ZFHX3: variants seen among roughly 807,000 people sequenced by gnomAD.
The protein encoded by ZFHX3 is zinc finger homeobox 3, also known as zinc finger homeobox protein 3.
A neutral mutation model predicts 279.1 loss-of-function variants in ZFHX3; 42 were observed. The observed-to-expected ratio is 0.15, with a 90% CI of 0.12 to 0.19. The LOEUF is 0.19. Among genes scored for constraint, ZFHX3 ranks in the 10% least tolerant of loss-of-function variants. The pLI, the probability that ZFHX3 is intolerant of heterozygous loss-of-function variation, is 1.00. For missense variants in ZFHX3, 4,981 were observed against 4,754.0 expected, an observed-to-expected ratio of 1.05 and a Z score of -1.40; for synonymous variants, 2,293 against 1,957.8, an observed-to-expected ratio of 1.17 and a Z score of -4.52.
intron 1 of ZFHX3, among the ~76,000 whole-genome samples, chr16:73,017,812 GCTAAGA>G (rs1246360135): frequency 6.6e-6 from 1 of 152,082 alleles, no homozygotes; most frequent in African/African-American, 2.4e-5. Flanking sequence ...AACCAAACAG[GCTAAGA>G]CCTCTGCCAC....
intron 7 of ZFHX3, among the ~76,000 whole-genome samples, chr16:73,128,865 G>A (rs1966619938): frequency 6.6e-6 from 1 of 152,112 alleles, no homozygotes; most frequent in African/African-American, 2.4e-5. Context: ...CCTTTTGGAA[G>A]AGTTTCTCAT....
At chr16:73,609,196 C>A (rs1170179209) in intron 2 of ZFHX3, 1 of 152,106 alleles carries the variant, frequency 6.6e-6, no homozygotes, top group Non-Finnish European at 1.5e-5. Flanking sequence ...AGTGAGAAGG[C>A]GATGCAAATA....
At chr16:73,816,063 G>A (rs1167086029) in intron 1 of ZFHX3, 3 of 152,168 alleles carry the variant, frequency 2.0e-5, no homozygotes, top group Non-Finnish European at 2.9e-5. Flanking sequence ...TATTGGACAG[G>A]AGAGACCTGG....
At position 72,795,050 on chromosome 16, in the gene ZFHX3, G is replaced by C; in HGVS notation, c.7632C>G (p.His2544Gln). The change falls in exon 9 of 10, where the codon CAC becomes CAG. Residue 2544 changes from histidine (H) to glutamine (Q), a missense_variant. Transcript: ENST00000268489. The stretch of plus-strand genomic sequence containing the variant: ...AGTGGAGCTGCTGATGCTCCTGCCA[G>C]TGCTCAAATGACGGAAATGCCAACT... ...QCKLAFPSFEHWQEHQQLHFL... is the reference protein window; with the variant it reads ...QCKLAFPSFEQWQEHQQLHFL... The C allele has an allele frequency of 6.2e-7, 1 of 1,614,212 alleles. No individual in the cohort carries two copies. Among genetic ancestry groups the C allele is most frequent in the Non-Finnish European group, 8.5e-7 (1 of 1,180,050 alleles).
chr16:73,602,979 T>C (rs1425452158), intron 2 of ZFHX3, among the ~76,000 whole-genome samples: 3 of 142,936 alleles, frequency 2.1e-5, no homozygotes, highest in African/African-American at 7.8e-5. Flanking sequence ...TAAGATATCC[T>C]GCAAGTCAAT....
At chr16:73,543,132 C>G (rs111458744) in intron 2 of ZFHX3, among the ~76,000 whole-genome samples, 2 of 152,108 alleles carry the variant, frequency 1.3e-5, no homozygotes, top group Non-Finnish European at 2.9e-5. Context: ...TCTAACAGAG[C>G]GCACACAGGT....
intron 4 of ZFHX3, among the ~76,000 whole-genome samples, chr16:72,848,142 G>A (rs1424544504): frequency 6.6e-6 from 1 of 152,180 alleles, no homozygotes; most frequent in African/African-American, 2.4e-5. Flanking sequence ...CCGCTCCTGG[G>A]GATGGGGGTG....
chr16:72,850,190 T>G (rs903010222), intron 4 of ZFHX3, among the ~76,000 whole-genome samples: 1 of 152,182 alleles, frequency 6.6e-6, no homozygotes, highest in Non-Finnish European at 1.5e-5. Flanking sequence ...GAAGCCTTCC[T>G]GACCCCAGCC....
chr16:72,898,527 T>C (rs1452373276), intron 3 of ZFHX3, among the ~76,000 whole-genome samples: 1 of 152,224 alleles, frequency 6.6e-6, no homozygotes, highest in Non-Finnish European at 1.5e-5. Context: ...ACTAAGTCTA[T>C]AGCTGTCTAT....
At chr16:73,814,284 C>G (rs1161154724) in intron 1 of ZFHX3, among the ~76,000 whole-genome samples, 6 of 152,100 alleles carry the variant, frequency 3.9e-5, no homozygotes, top group Admixed American at 3.9e-4. Flanking sequence ...GATTCTCTTT[C>G]TTACTGTAAA....
intron 5 of ZFHX3, among the ~76,000 whole-genome samples, chr16:73,174,335 C>A (rs533638327): frequency 6.6e-6 from 1 of 152,024 alleles, no homozygotes; most frequent in Admixed American, 6.5e-5. Context: ...GCTGCCAAAC[C>A]GCAACATGCA....
intron 3 of ZFHX3, among the ~76,000 whole-genome samples, chr16:72,907,606 T>TGTGC (rs71156128): frequency 7.8e-6 from 1 of 128,938 alleles, no homozygotes; most frequent in African/African-American, 3.0e-5. Context: ...TGTGTGTGTG[T>TGTGC]TGTGTGTATG....
At chr16:73,265,121 TTATC>T (rs1225823710) in intron 4 of ZFHX3, among the ~76,000 whole-genome samples, 1 of 132,920 alleles carries the variant, frequency 7.5e-6, no homozygotes. Context: ...ATATAACAGT[TTATC>T]TACTTGTTGA....
At chr16:73,041,241 T>C (rs1002727242) in intron 1 of ZFHX3, among the ~76,000 whole-genome samples, 10 of 152,128 alleles carry the variant, frequency 6.6e-5, no homozygotes, top group Admixed American at 6.5e-4. Flanking sequence ...TCACCCAATT[T>C]TTCCACTGTC....
chr16:73,275,403 G>A (rs1482346267), intron 4 of ZFHX3, among the ~76,000 whole-genome samples: 2 of 148,284 alleles, frequency 1.3e-5, no homozygotes, highest in African/African-American at 5.2e-5. Flanking sequence ...ACGAAGCTTC[G>A]GGTGGTCATG....
At chr16:72,914,043 A>G (rs1390244565) in intron 3 of ZFHX3, among the ~76,000 whole-genome samples, 2 of 152,254 alleles carry the variant, frequency 1.3e-5, no homozygotes, top group East Asian at 3.8e-4. Context: ...TCGTGTTAAC[A>G]CAGCTATGAA....
intron 2 of ZFHX3, among the ~76,000 whole-genome samples, chr16:73,606,647 T>C (rs2052186716): frequency 6.6e-6 from 1 of 152,146 alleles, no homozygotes; most frequent in African/African-American, 2.4e-5. Flanking sequence ...AGGTAAACGG[T>C]GGCTGTTAGC....
intron 2 of ZFHX3, among the ~76,000 whole-genome samples, chr16:73,548,631 T>A (rs2020159901): frequency 6.6e-6 from 1 of 152,170 alleles, no homozygotes. Context: ...AAAAATCATC[T>A]TTAAACAATG....
chr16:73,876,956 G>A (rs899437431), intron 1 of ZFHX3, among the ~76,000 whole-genome samples: 2 of 151,714 alleles, frequency 1.3e-5, no homozygotes, highest in African/African-American at 4.8e-5. Flanking sequence ...AAGCCAATTT[G>A]GACTTACTAA....
Sources: gnomAD v4.1 joint callset for allele counts (sites outside exome capture counted in the v4.1 genomes callset) on GRCh38, gnomAD v4.1.1 for gene constraint, MANE v1.5 for transcripts, NCBI Gene and HGNC (gene_info 2026-07-23, HGNC 2026-07-21) for gene names.